The following DLG2 variants were observed in gnomAD, a reference collection of about 807,000 sequenced individuals.
DLG2 encodes discs large MAGUK scaffold protein 2.
In DLG2, 45 loss-of-function variants were observed where a neutral mutation model predicts 132.5. That is an observed-to-expected ratio of 0.34 (90% confidence interval 0.27 to 0.44). The LOEUF (loss-of-function observed/expected upper bound fraction) is 0.44. DLG2 is among the 20% of genes least tolerant of loss of function. The pLI is 1.00. For synonymous variants in DLG2, 424 were observed against 419.6 expected (o/e 1.01, Z -0.13); for missense variants, 1,045 against 1,196.9 (o/e 0.87, Z 1.87).
intron 6 of DLG2, among the ~76,000 whole-genome samples, chr11:84,576,933 T>G (rs2099501608): frequency 6.6e-6 from 1 of 152,208 alleles, no homozygotes; most frequent in Non-Finnish European, 1.5e-5. Flanking sequence ...AAATCTTAAC[T>G]TGAATTTTAT....
chr11:84,714,674 T>C (rs2061001330), intron 6 of DLG2, among the ~76,000 whole-genome samples: 1 of 145,474 alleles, frequency 6.9e-6, no homozygotes, highest in African/African-American at 2.6e-5. Flanking sequence ...TCTCTCTCTC[T>C]GCCTCCCCGC....
intron 21 of DLG2, among the ~76,000 whole-genome samples, chr11:83,484,634 T>A (rs1294838520): frequency 6.6e-6 from 1 of 152,182 alleles, no homozygotes; most frequent in Non-Finnish European, 1.5e-5. Flanking sequence ...GCTCTTACGT[T>A]GTGAGACTCA....
intron 15 of DLG2, among the ~76,000 whole-genome samples, chr11:83,921,110 T>C (rs2852736): frequency 0.62 from 93,942 of 151,940 alleles, 29,504 homozygotes; most frequent in East Asian, 0.91. Context: ...ACCTGCAAAA[T>C]GGGATAATAA....
intron 16 of DLG2, among the ~76,000 whole-genome samples, chr11:83,873,253 T>C (rs529658955): frequency 2.0e-5 from 3 of 152,278 alleles, no homozygotes; most frequent in Admixed American, 6.5e-5. Flanking sequence ...AAAATACCTA[T>C]CTTGTAGGAC....
chr11:83,753,796 A>C (rs1370278916), intron 18 of DLG2, among the ~76,000 whole-genome samples: 3 of 100,860 alleles, frequency 3.0e-5, no homozygotes, highest in African/African-American at 1.7e-4. Flanking sequence ...CATATATATG[A>C]TATATCATAT....
chr11:85,551,722 A>G (rs1338725189), intron 3 of DLG2, among the ~76,000 whole-genome samples: 1 of 152,092 alleles, frequency 6.6e-6, no homozygotes, highest in Non-Finnish European at 1.5e-5. Context: ...TTTTTGTTTC[A>G]ATAATAAGAG....
chr11:84,923,474 G>A lies in DLG2; in HGVS notation c.357+188187C>T, dbSNP rs966075054. The A allele has an allele frequency of 1.0e-4, 68 of 666,562 alleles. No homozygotes were observed. The African/African-American group carries it at 1.4e-3, about 13-fold the overall frequency. 41.3% of individuals were successfully genotyped at this position (666,562 alleles called of 1,614,324 possible). ...GGGGGGAATGAGCTCACTCAGGAAG[G>A]AGGGGGGGAAAGGTGAAGAATTGAA... On this transcript the variant is annotated intron_variant, in intron 6 of 27. Coordinates refer to ENST00000376104, the MANE Select transcript of DLG2 (RefSeq NM_001142699.3).
chr11:85,575,609 G>A (rs1363467408), intron 3 of DLG2, among the ~76,000 whole-genome samples: 1 of 151,432 alleles, frequency 6.6e-6, no homozygotes, highest in Non-Finnish European at 1.5e-5. Context: ...GAATGATCTG[G>A]GCATACTACT....
chr11:84,956,537 G>T (rs17741917), intron 6 of DLG2, among the ~76,000 whole-genome samples: 68,593 of 152,002 alleles, frequency 0.45, 16,990 homozygotes, highest in African/African-American at 0.65. Context: ...GCTAAGCCTA[G>T]GTCATAATCT....
intron 6 of DLG2, among the ~76,000 whole-genome samples, chr11:84,774,526 T>C (rs2070061846): frequency 6.6e-6 from 1 of 152,154 alleles, no homozygotes; most frequent in Admixed American, 6.6e-5. Context: ...GCTTAAAGCA[T>C]TGCATCACCT....
chr11:83,578,878 C>A (rs1318592178), intron 19 of DLG2, among the ~76,000 whole-genome samples: 1 of 152,304 alleles, frequency 6.6e-6, no homozygotes, highest in Admixed American at 6.5e-5. Context: ...TAAAACAAGT[C>A]TTAAGGATTC....
chr11:83,617,698 C>A (rs1425981452), intron 19 of DLG2, among the ~76,000 whole-genome samples: 1 of 152,044 alleles, frequency 6.6e-6, no homozygotes, highest in African/African-American at 2.4e-5. Context: ...AGGGAAAAAG[C>A]TTCCAAAATT....
chr11:85,102,344 T>C (rs2071011631), intron 6 of DLG2, among the ~76,000 whole-genome samples: 1 of 151,970 alleles, frequency 6.6e-6, no homozygotes, highest in Non-Finnish European at 1.5e-5. Context: ...AGAGTAAATA[T>C]AAAGTCTGTG....
At chr11:84,862,660 T>C (rs2083901046) in intron 6 of DLG2, among the ~76,000 whole-genome samples, 1 of 152,066 alleles carries the variant, frequency 6.6e-6, no homozygotes, top group Non-Finnish European at 1.5e-5. Context: ...AGAATTCATG[T>C]CCTTTGCAGG....
intron 6 of DLG2, among the ~76,000 whole-genome samples, chr11:84,594,039 T>C (rs2099550377): frequency 6.6e-6 from 1 of 152,070 alleles, no homozygotes; most frequent in Non-Finnish European, 1.5e-5. Flanking sequence ...TTTCAAGAAA[T>C]TACATGAGAA....
chr11:84,611,153 T>C (rs958596999), intron 6 of DLG2, among the ~76,000 whole-genome samples: 1 of 152,048 alleles, frequency 6.6e-6, no homozygotes, highest in South Asian at 2.1e-4. Context: ...TCTCAAATAA[T>C]ACTGTCAAAT....
intron 19 of DLG2, among the ~76,000 whole-genome samples, chr11:83,582,254 T>C (rs2508719): frequency 0.72 from 109,476 of 152,010 alleles, 40,082 homozygotes; most frequent in African/African-American, 0.86. Context: ...CCTCCCCGGC[T>C]GACTTTGGAA....
chr11:84,262,905 A>G (rs1314709133), intron 7 of DLG2, among the ~76,000 whole-genome samples: 1 of 152,136 alleles, frequency 6.6e-6, no homozygotes, highest in East Asian at 1.9e-4. Flanking sequence ...ATAGAAACAT[A>G]AAGTTTTGAG....
chr11:83,764,491 T>C (rs1312483628), intron 18 of DLG2, among the ~76,000 whole-genome samples: 1 of 152,232 alleles, frequency 6.6e-6, no homozygotes, highest in Non-Finnish European at 1.5e-5. Context: ...CAAATGTCAC[T>C]GACCTTGCTG....
Sources: allele counts gnomAD v4.1 joint callset (sites outside exome capture counted in the v4.1 genomes callset), GRCh38; gene constraint gnomAD v4.1.1; transcripts MANE v1.5; gene names NCBI Gene and HGNC (gene_info 2026-07-23, HGNC 2026-07-21).